The following ETV1 variants were observed in gnomAD, a reference collection of about 807,000 sequenced individuals.
ETV1 encodes the protein ETS variant transcription factor 1.
ETV1 carries 27 observed loss-of-function variants against 62.3 expected under a neutral mutation model. The ratio of observed to expected loss-of-function variants is 0.43; its 90% CI spans 0.32 to 0.60. The LOEUF (loss-of-function observed/expected upper bound fraction) is 0.60. Among genes scored for constraint, ETV1 ranks in the 20% least tolerant of loss-of-function variants. The pLI, the probability that ETV1 is intolerant of heterozygous loss-of-function variation, is 0.06. For missense variants in ETV1, 605 were observed against 605.8 expected, an observed-to-expected ratio of 1.00 and a Z score of 0.01; for synonymous variants, 222 against 199.6, an observed-to-expected ratio of 1.11 and a Z score of -0.94.
intron 6 of ETV1, among the ~76,000 whole-genome samples, chr7:13,953,750 CA>C (rs1789095490): frequency 6.6e-6 from 1 of 151,666 alleles, no homozygotes; most frequent in Non-Finnish European, 1.5e-5. Context: ...GATGCCAGAA[CA>C]AATTCCACAG....
intron 9 of ETV1, among the ~76,000 whole-genome samples, chr7:13,919,327 ATTT>A (rs1313363932): frequency 6.6e-6 from 1 of 152,032 alleles, no homozygotes; most frequent in Non-Finnish European, 1.5e-5. Flanking sequence ...GAGTGGTTTT[ATTT>A]TTTAATACTA....
chr7:13,989,235 CA>C (rs11328804), intron 2 of ETV1, 32 bp downstream of exon 2: 262,114 of 577,238 alleles, frequency 0.45, 61,495 homozygotes, highest in Admixed American at 0.58. Flanking sequence ...GTCCCATTCA[CA>C]AAAATAACCC....
intron 6 of ETV1, among the ~76,000 whole-genome samples, chr7:13,968,391 G>C (rs780127353): frequency 6.6e-6 from 1 of 151,768 alleles, no homozygotes; most frequent in African/African-American, 2.4e-5. Flanking sequence ...TGGGCGGTAA[G>C]CCTGCCCTAT....
chr7:13,962,207 G>C (rs776255428), intron 6 of ETV1, among the ~76,000 whole-genome samples: 2 of 151,292 alleles, frequency 1.3e-5, no homozygotes, highest in Non-Finnish European at 3.0e-5. Flanking sequence ...ACACACGTGT[G>C]TGTGTGTATA....
At chr7:13,949,457 T>A (rs1021633033) in intron 6 of ETV1, among the ~76,000 whole-genome samples, 30 of 152,178 alleles carry the variant, frequency 2.0e-4, no homozygotes, top group Admixed American at 1.1e-3. Context: ...GCTTTGTGAA[T>A]CCATCTTCTA....
chr7:13,986,103 A>C, intron 5 of ETV1: 1 of 1,563,058 alleles, frequency 6.4e-7, no homozygotes, highest in Non-Finnish European at 8.7e-7. Context: ...TTTCCTAAGC[A>C]TTAGATACAC....
intron 6 of ETV1, among the ~76,000 whole-genome samples, chr7:13,963,943 T>TA (rs955563040): frequency 7.9e-5 from 12 of 152,082 alleles, no homozygotes; most frequent in African/African-American, 4.8e-5. Context: ...TGAATGAAAA[T>TA]AGAGCTTTCA....
Position 13,894,348 on chromosome 7 carries a change from C to A in ETV1, c.*1518G>T. 8.6e-6 allele frequency: 2 copies of A among 231,736 alleles called. No individual in the cohort carries two copies. Among genetic ancestry groups the A allele is most frequent in the Non-Finnish European group, 1.7e-5 (2 of 117,000 alleles). The allele number at this position is 231,736 out of a possible 1,614,324, so 14.4% of individuals were successfully genotyped here. ...CATACCCTGCTTTCAATATTTTCTC[C>A]AAATGCAAAGCAAAAACAGAACAAA... On this transcript the variant is annotated 3_prime_UTR_variant, in exon 14 of 14. Transcript: ENST00000430479.
intron 9 of ETV1, among the ~76,000 whole-genome samples, chr7:13,914,152 T>A (rs1329540561): frequency 6.6e-6 from 1 of 151,866 alleles, no homozygotes; most frequent in Non-Finnish European, 1.5e-5. Context: ...CCCAAAGTGC[T>A]GGGATTACAG....
chr7:13,931,553 G>T lies in ETV1; in HGVS notation c.751C>A (p.Pro251Thr), dbSNP rs904139873. 1.2e-6 allele frequency: 2 copies of T among 1,613,946 alleles called. No homozygotes were observed. Among genetic ancestry groups the T allele is most frequent in the Admixed American group, 3.3e-5 (2 of 60,010 alleles). Residue 251 changes from proline to threonine, a missense_variant, in exon 9 of 14, where the codon CCC becomes ACC. By Grantham distance (38) the Pro-to-Thr change is conservative. Transcript: ENST00000430479. ...MVGSAASQSF[P>T]PPLMIKQEPR... ...TCCTGTTTAATCATCAGAGGAGGGG[G>T]AAAGCTTTGGCTGGCCGCACTGCCA... is the stretch of plus-strand genomic sequence containing the variant.
At chr7:13,970,121 C>A (rs562695768) in intron 6 of ETV1, among the ~76,000 whole-genome samples, 1 of 151,708 alleles carries the variant, frequency 6.6e-6, no homozygotes, top group South Asian at 2.1e-4. Flanking sequence ...ATTAGCCTGG[C>A]GTGGTGGCGG....
chr7:13,929,800 C>A (rs113842826), intron 9 of ETV1, among the ~76,000 whole-genome samples: 1 of 152,092 alleles, frequency 6.6e-6, no homozygotes, highest in Non-Finnish European at 1.5e-5. Flanking sequence ...CATGCCTCAA[C>A]GGGGCCAATT....
At chr7:13,930,550 T>G (rs1304474319) in intron 9 of ETV1, among the ~76,000 whole-genome samples, 1 of 151,766 alleles carries the variant, frequency 6.6e-6, no homozygotes, top group Non-Finnish European at 1.5e-5. Context: ...CTCAATCTCC[T>G]GACCTCGTAA....
chr7:13,929,691 C>G (rs1377099109), intron 9 of ETV1, among the ~76,000 whole-genome samples: 1 of 152,102 alleles, frequency 6.6e-6, no homozygotes, highest in Non-Finnish European at 1.5e-5. Flanking sequence ...AAAACAGGGC[C>G]TGGGATGCAC....
intron 6 of ETV1, among the ~76,000 whole-genome samples, chr7:13,974,044 G>A (rs1781162690): frequency 6.6e-6 from 1 of 152,074 alleles, no homozygotes; most frequent in Non-Finnish European, 1.5e-5. Context: ...TCACAATCTT[G>A]TCAAAGACAC....
At chr7:13,939,014 T>C (rs1244152290) in intron 7 of ETV1, 103 bp downstream of exon 7, 4 of 1,154,210 alleles carry the variant, frequency 3.5e-6, no homozygotes, top group Non-Finnish European at 5.0e-6. Flanking sequence ...TGTTACATAT[T>C]AAAGACGTTA....
chr7:13,939,671 T>C (rs1787247877), intron 6 of ETV1, among the ~76,000 whole-genome samples: 1 of 152,152 alleles, frequency 6.6e-6, no homozygotes, highest in Non-Finnish European at 1.5e-5. Context: ...ATATATCAAC[T>C]GCATCAATAA....
chr7:13,927,903 T>C (rs1785616744), intron 9 of ETV1, among the ~76,000 whole-genome samples: 1 of 152,194 alleles, frequency 6.6e-6, no homozygotes, highest in South Asian at 2.1e-4. Context: ...TCAAAGGTGG[T>C]ATACAACTTT....
chr7:13,918,025 C>A (rs1784385086), intron 9 of ETV1, among the ~76,000 whole-genome samples: 1 of 151,904 alleles, frequency 6.6e-6, no homozygotes, highest in African/African-American at 2.4e-5. Flanking sequence ...CCAAAATGGG[C>A]CACACAAAAT....
Sources: allele counts gnomAD v4.1 joint callset (sites outside exome capture counted in the v4.1 genomes callset), GRCh38; gene constraint gnomAD v4.1.1; transcripts MANE v1.5; gene names NCBI Gene and HGNC (gene_info 2026-07-23, HGNC 2026-07-21).